FILIP1: variants seen among roughly 807,000 people sequenced by gnomAD.
The protein encoded by FILIP1 is filamin A interacting protein 1.
In FILIP1, 61 loss-of-function variants were observed where a neutral mutation model predicts 102.1. That is an observed-to-expected ratio of 0.60 (90% CI 0.49 to 0.74). The LOEUF is 0.74. Among genes scored for constraint, FILIP1 ranks in the 30% least tolerant of loss-of-function variants. The pLI is 0.00. For synonymous variants in FILIP1, 491 were observed against 526.9 expected (o/e 0.93, Z 0.93); for missense variants, 1,314 against 1,441.2 (o/e 0.91, Z 1.43).
chr6:75,340,285 A>C lies in FILIP1; in HGVS notation c.629+13254T>G, dbSNP rs531455847. On this transcript the variant is annotated intron_variant, in intron 4 of 5. Coordinates refer to ENST00000237172, the MANE Select transcript of FILIP1 (RefSeq NM_015687.5). ...TTGGAAACTTAAAATGTAAATGCTA[A>C]ATTTTCTTCTGACGCAAACCACAAC... Among the ~76,000 whole-genome samples the C allele has an allele frequency of 9.2e-5, 14 of 152,278 alleles. 1 individual carries two copies. The highest frequency in any genetic ancestry group is 1.9e-4 in the East Asian group (1 of 5,184).
At chr6:75,424,614 A>C (rs1277489191) in intron 1 of FILIP1, among the ~76,000 whole-genome samples, 1 of 152,212 alleles carries the variant, frequency 6.6e-6, no homozygotes, top group Non-Finnish European at 1.5e-5. Context: ...CTGTGGATTA[A>C]TTATTCTATT....
chr6:75,419,828 C>T (rs776466666), intron 1 of FILIP1, among the ~76,000 whole-genome samples: 16 of 152,278 alleles, frequency 1.1e-4, no homozygotes, highest in Middle Eastern at 6.8e-3. Context: ...TCCCAACTCA[C>T]GAAATGTTCA....
At chr6:75,307,716 C>T (rs1051197692), downstream of FILIP1, among the ~76,000 whole-genome samples, 1 of 152,152 alleles carries the variant, frequency 6.6e-6, no homozygotes, top group African/African-American at 2.4e-5. Flanking sequence ...TCCACTTCTC[C>T]ACACCACACA....
rs1284982434 is a variant in FILIP1, at chr6:75,442,298, C to T, written c.-6-27320G>A. On this transcript the variant is annotated intron_variant, in intron 1 of 5. Coordinates refer to ENST00000237172, the MANE Select transcript of FILIP1 (RefSeq NM_015687.5). Reference sequence around the variant, plus strand: ...GGCAGCCAGGCAGAGGGGCTCCTCACGTCCCAGACGATGGATGGCCAGGCA... The same window carrying T: ...GGCAGCCAGGCAGAGGGGCTCCTCATGTCCCAGACGATGGATGGCCAGGCA... 6.6e-5 allele frequency among the ~76,000 whole-genome samples: 10 copies of T among 151,936 alleles called. 1 individual carries two copies. Among genetic ancestry groups the T allele is most frequent in the African/African-American group, 2.4e-4 (10 of 41,386 alleles).
intron 2 of FILIP1, among the ~76,000 whole-genome samples, chr6:75,373,906 G>A (rs1404242166): frequency 6.6e-6 from 1 of 152,108 alleles, no homozygotes; most frequent in Non-Finnish European, 1.5e-5. Context: ...CTACCTGGGA[G>A]GCTGAGAAGG....
intron 2 of FILIP1, among the ~76,000 whole-genome samples, chr6:75,381,687 T>C (rs1370518031): frequency 6.6e-6 from 1 of 152,218 alleles, no homozygotes; most frequent in Admixed American, 6.5e-5. Flanking sequence ...CTAGCTAATA[T>C]AAGTCTGACT....
At position 75,372,697 on chromosome 6, in the gene FILIP1, GAA is replaced by G. The variant is rs1491014681; in HGVS notation, c.277-9782_277-9781del. On this transcript the variant is annotated intron_variant, in intron 2 of 5. Transcript: ENST00000237172. ...AGAAAGAAAGAAAGAGAAAGAAAGA[GAA>G]AGAAAGAAAGAAAGGAAAGAAAGAG... Among the ~76,000 whole-genome samples, 8 of 40,118 alleles carry G rather than the reference GAA, an allele frequency of 2.0e-4. 1 individual carries two copies. Among genetic ancestry groups the G allele is most frequent in the African/African-American group, 1.1e-3 (6 of 5,538 alleles). The allele number at this position is 40,118 out of a possible 152,430, so 26.3% of individuals were successfully genotyped here.
chr6:75,363,024 C>A (rs1202598731), intron 2 of FILIP1, 107 bp from the exon 3 acceptor site: 3 of 1,110,682 alleles, frequency 2.7e-6, no homozygotes, highest in Non-Finnish European at 3.8e-6. Context: ...CTTGTCAGGG[C>A]TATTGGCAAA....
At chr6:75,328,442 G>C (rs1404223889) in intron 4 of FILIP1, among the ~76,000 whole-genome samples, 1 of 152,036 alleles carries the variant, frequency 6.6e-6, no homozygotes, top group Non-Finnish European at 1.5e-5. Context: ...TCATTATACT[G>C]TTCTCTTTAC....
At chr6:75,366,091 A>G (rs1775321801) in intron 2 of FILIP1, 1 of 152,244 alleles carries the variant, frequency 6.6e-6, no homozygotes, top group African/African-American at 2.4e-5. Context: ...TGAGCTGGGT[A>G]AGTGTACTGA....
intron 1 of FILIP1, among the ~76,000 whole-genome samples, chr6:75,426,750 C>T (rs1010527651): frequency 5.6e-5 from 7 of 124,386 alleles, no homozygotes; most frequent in Non-Finnish European, 1.1e-4. Context: ...TCAACAGAGG[C>T]CAAGCTGAGA....
At chr6:75,492,217 C>T (rs558985891) in intron 1 of FILIP1, among the ~76,000 whole-genome samples, 4 of 152,184 alleles carry the variant, frequency 2.6e-5, no homozygotes, top group South Asian at 4.2e-4. Flanking sequence ...TTTCATTTTC[C>T]TGAGCATATG....
intron 1 of FILIP1, among the ~76,000 whole-genome samples, chr6:75,483,001 ATCTT>A (rs1779686335): frequency 6.6e-6 from 1 of 151,140 alleles, no homozygotes; most frequent in Non-Finnish European, 1.5e-5. Flanking sequence ...AATTATAAGA[ATCTT>A]TCACTTTTTG....
intron 1 of FILIP1, among the ~76,000 whole-genome samples, chr6:75,489,814 C>CTA (rs1214926258): frequency 6.6e-6 from 1 of 151,776 alleles, no homozygotes; most frequent in Non-Finnish European, 1.5e-5. Context: ...CTATTTATTG[C>CTA]TATATATATT....
chr6:75,363,818 C>T (rs1775242435), intron 2 of FILIP1, among the ~76,000 whole-genome samples: 1 of 152,150 alleles, frequency 6.6e-6, no homozygotes, highest in African/African-American at 2.4e-5. Context: ...AAGAAGTGCC[C>T]TGACTTCATT....
At chr6:75,397,864 C>A (rs1315562018) in intron 2 of FILIP1, 2 of 152,060 alleles carry the variant, frequency 1.3e-5, no homozygotes, top group Admixed American at 6.6e-5. Context: ...TTCATTATTT[C>A]TATTTTTTGA....
Position 75,314,613 on chromosome 6 carries a change from A to G in FILIP1, c.1219T>C (p.Leu407=), listed in dbSNP as rs145185243. 1 of 1,613,194 alleles carries G rather than the reference A, an allele frequency of 6.2e-7. No individual in the cohort carries two copies. The highest frequency in any genetic ancestry group is 1.3e-5 in the African/African-American group (1 of 74,780). The part of the protein sequence containing the change: ...ITKTESQCRE[L]RKKLQEEEHH... ...TCTTCCTCTTGCAGCTTCTTCCTCAATTCCCTACACTGGGATTCAGTTTTA... is the reference window on the plus strand; with the variant it reads ...TCTTCCTCTTGCAGCTTCTTCCTCAGTTCCCTACACTGGGATTCAGTTTTA... Residue 407 remains leucine, a synonymous_variant, in exon 5 of 6, where the codon TTG becomes CTG. Transcript: ENST00000237172.
At chr6:75,379,478 G>C (rs978375669) in intron 2 of FILIP1, among the ~76,000 whole-genome samples, 4 of 152,190 alleles carry the variant, frequency 2.6e-5, no homozygotes, top group Admixed American at 6.5e-5. Flanking sequence ...GTGTTAGATA[G>C]ATTGCAATGG....
chr6:75,336,003 C>A (rs954312703), intron 4 of FILIP1, among the ~76,000 whole-genome samples: 5 of 152,136 alleles, frequency 3.3e-5, no homozygotes. Context: ...AATAATGTAG[C>A]TTTCTGTAAA....
Sources: allele counts gnomAD v4.1 joint callset (sites outside exome capture counted in the v4.1 genomes callset), GRCh38; gene constraint gnomAD v4.1.1; transcripts MANE v1.5; gene names NCBI Gene and HGNC (gene_info 2026-07-23, HGNC 2026-07-21).